YTHDC1: variants seen among roughly 807,000 people sequenced by gnomAD.
The protein encoded by YTHDC1 is YTH domain-containing protein 1.
In YTHDC1, 12 loss-of-function variants were observed where a neutral mutation model predicts 107.0. The observed-to-expected ratio is 0.11, with a 90% CI of 0.07 to 0.18. The LOEUF is 0.18. Among genes scored for constraint, YTHDC1 ranks in the 10% least tolerant of loss-of-function variants. YTHDC1 has a pLI of 1.00. For synonymous variants in YTHDC1, 280 were observed against 289.5 expected, an observed-to-expected ratio of 0.97 and a Z score of 0.33; for missense variants, 635 against 898.8, an observed-to-expected ratio of 0.71 and a Z score of 3.75.
chr4:68,338,454 A>C (rs1337850766), intron 1 of YTHDC1, 70 bp from the exon 2 acceptor site: 3 of 1,183,874 alleles, frequency 2.5e-6, no homozygotes, highest in East Asian at 5.1e-5. Flanking sequence ...AGTACTTACT[A>C]AGTGTGAGGC....
chr4:68,349,912 T>G lies in YTHDC1; in HGVS notation c.-159A>C. 1.1e-6 allele frequency: 1 copy of G among 900,266 alleles called. No homozygotes were observed. Among genetic ancestry groups the G allele is most frequent in the Non-Finnish European group, 1.7e-6 (1 of 583,710 alleles). 55.8% of individuals were successfully genotyped at this position (900,266 alleles called of 1,614,324 possible). ...TCTTAACACTCAGCCTTCTCGACTCTTCCCGCTTTTTCCCTTTCTCCCTTC... is the reference window on the plus strand; with the variant it reads ...TCTTAACACTCAGCCTTCTCGACTCGTCCCGCTTTTTCCCTTTCTCCCTTC... On this transcript the variant is annotated 5_prime_UTR_variant, in exon 1 of 17. Transcript: ENST00000344157.
In YTHDC1 at chr4:68,311,029, T is replaced by C. The variant is rs1369386120; in HGVS notation, c.*3070A>G. Reference sequence around the variant, plus strand: ...TGCTAAATTTCCTCTGTCCATGTCTTTTGGAGACTGTCCTTCCTGATGTAA... The same window carrying C: ...TGCTAAATTTCCTCTGTCCATGTCTCTTGGAGACTGTCCTTCCTGATGTAA... On this transcript the variant is annotated 3_prime_UTR_variant, in exon 17 of 17. Coordinates refer to ENST00000344157, the MANE Select transcript of YTHDC1 (RefSeq NM_001031732.4). 2.6e-5 allele frequency: 4 copies of C among 152,188 alleles called. No homozygotes were observed. The highest frequency in any genetic ancestry group is 5.9e-5 in the Non-Finnish European group (4 of 68,046). 9.4% of individuals were successfully genotyped at this position (152,188 alleles called of 1,614,324 possible).
At chr4:68,316,890 G>C (rs1490814071) in intron 15 of YTHDC1, among the ~76,000 whole-genome samples, 2 of 152,198 alleles carry the variant, frequency 1.3e-5, no homozygotes, top group African/African-American at 4.8e-5. Flanking sequence ...AGGCATCCTA[G>C]TTCTGCAGTT....
intron 4 of YTHDC1, among the ~76,000 whole-genome samples, chr4:68,334,550 G>A (rs185843589): frequency 1.3e-5 from 2 of 152,262 alleles, no homozygotes; most frequent in Admixed American, 1.3e-4. Context: ...TTTGAAAGGT[G>A]ATTACAGGTT....
At chr4:68,349,060 C>T (rs751317488) in intron 1 of YTHDC1, among the ~76,000 whole-genome samples, 4 of 152,148 alleles carry the variant, frequency 2.6e-5, no homozygotes, top group Non-Finnish European at 5.9e-5. Context: ...CTGACTGTAC[C>T]CTCTGGGAGC....
intron 1 of YTHDC1, among the ~76,000 whole-genome samples, chr4:68,346,075 G>A (rs901094001): frequency 1.1e-4 from 4 of 37,668 alleles, no homozygotes; most frequent in Non-Finnish European, 2.0e-4. Flanking sequence ...GACTGTGTGT[G>A]TACATATATA....
In YTHDC1 at chr4:68,343,526, A is replaced by T. The variant is rs1268676580; in HGVS notation, c.29-5142T>A. The stretch of plus-strand genomic sequence containing the variant: ...CTTAAAAAATCACTTAAAATCTTTA[A>T]AAAAAAAAAAAAAAAAATTTTTTTT... On this transcript the variant is annotated intron_variant, in intron 1 of 16. Transcript: ENST00000344157. Among the ~76,000 whole-genome samples, 34 of 95,364 alleles carry T rather than the reference A, an allele frequency of 3.6e-4. No individual in the cohort carries two copies. In the East Asian group the frequency reaches 5.3e-3, roughly 15 times the overall value. The allele number at this position is 95,364 out of a possible 152,430, so 62.6% of individuals were successfully genotyped here. A position where few individuals can be genotyped will look rare whatever the true frequency, so the allele number is the denominator to read the frequency against.
chr4:68,332,312 A>G (rs1049860459), intron 6 of YTHDC1, 115 bp from the exon 7 acceptor site: 37 of 561,192 alleles, frequency 6.6e-5, no homozygotes, highest in Non-Finnish European at 2.4e-5. Context: ...TTAAAACGCA[A>G]CAATCACCCA....
intron 1 of YTHDC1, among the ~76,000 whole-genome samples, chr4:68,348,163 C>T (rs942884066): frequency 2.6e-5 from 4 of 152,158 alleles, no homozygotes; most frequent in African/African-American, 9.7e-5. Flanking sequence ...CTTTTAAAAT[C>T]ATCTACTTTT....
At chr4:68,349,631 A>T in intron 1 of YTHDC1, 95 bp downstream of exon 1, 3 of 258,526 alleles carry the variant, frequency 1.2e-5, no homozygotes, top group Non-Finnish European at 1.5e-5. Flanking sequence ...AACCTCCCCA[A>T]CCCCCACCCC....
rs757698125 is a variant in YTHDC1, at chr4:68,337,818, A to G, written c.213T>C (p.Ser71=). 11 of 1,613,982 alleles carry G rather than the reference A, an allele frequency of 6.8e-6. No individual in the cohort carries two copies. In the African/African-American group the frequency reaches 1.5e-4, roughly 22 times the overall value. The change falls in exon 3 of 17, where the codon TCT becomes TCC. Residue 71 remains serine, a synonymous_variant. Transcript: ENST00000344157. ...KPSVHSRQLV[S]KPLSSSVSNN... ...TGCTAACAGATGAGCTCAGTGGCTT[A>G]GAAACCAGTTGTCTAGAATGGACAG... is the stretch of plus-strand genomic sequence containing the variant.
At chr4:68,318,997 TC>T in intron 12 of YTHDC1, 135 bp from the exon 13 acceptor site, 1 of 880,874 alleles carries the variant, frequency 1.1e-6, no homozygotes. Context: ...TACTGTATTA[TC>T]CCATTTTCAA....
At chr4:68,345,511 A>C (rs892326400) in intron 1 of YTHDC1, among the ~76,000 whole-genome samples, 1 of 152,176 alleles carries the variant, frequency 6.6e-6, no homozygotes, top group Non-Finnish European at 1.5e-5. Context: ...GTACATTTAG[A>C]CCAGTTTCTC....
rs1721372107 is a variant in YTHDC1, at chr4:68,312,345, TTAA to T, written c.*1751_*1753del. 6.6e-6 allele frequency: 1 copy of T among 152,204 alleles called. No homozygotes were observed. 9.4% of individuals were successfully genotyped at this position (152,204 alleles called of 1,614,324 possible). ...TTCCTATTATTTCAGGAAAATACCT[TTAA>T]TATTACCTACCAGTTTTGTATAATG... On this transcript the variant is annotated 3_prime_UTR_variant, in exon 17 of 17. Transcript: ENST00000344157.
Position 68,313,097 on chromosome 4 carries a change from GTATAAATACT to G in YTHDC1, c.*992_*1001del, listed in dbSNP as rs1185402807. On this transcript the variant is annotated 3_prime_UTR_variant, in exon 17 of 17. Transcript: ENST00000344157. ...GAGTAGACTCAAAATGTTATCAGGTGTATAAATACTTAACCAAATTATTAACATAACTCTG... is the reference window on the plus strand; with the variant it reads ...GAGTAGACTCAAAATGTTATCAGGTGTAACCAAATTATTAACATAACTCTG... 6.6e-6 allele frequency: 1 copy of G among 152,152 alleles called. No homozygotes were observed. The highest frequency in any genetic ancestry group is 6.5e-5 in the Admixed American group (1 of 15,274). The allele number at this position is 152,152 out of a possible 1,614,324, so 9.4% of individuals were successfully genotyped here.
At chr4:68,348,743 C>A (rs1464497199) in intron 1 of YTHDC1, among the ~76,000 whole-genome samples, 1 of 152,084 alleles carries the variant, frequency 6.6e-6, no homozygotes, top group Admixed American at 6.6e-5. Flanking sequence ...TTAACAACCC[C>A]CGACAAAAAA....
In YTHDC1 at chr4:68,311,096, C is replaced by A. The variant is rs1254861341; in HGVS notation, c.*3003G>T. On this transcript the variant is annotated 3_prime_UTR_variant, in exon 17 of 17. Transcript: ENST00000344157. The stretch of plus-strand genomic sequence containing the variant: ...CATAACATGTGCCTCTCTTGCTTCC[C>A]AATGCTGGGAGACAAAGAACCCCAT... 2 of 152,146 alleles carry A rather than the reference C, an allele frequency of 1.3e-5. No individual in the cohort carries two copies. Among genetic ancestry groups the A allele is most frequent in the Non-Finnish European group, 2.9e-5 (2 of 68,048 alleles). 9.4% of individuals were successfully genotyped at this position (152,146 alleles called of 1,614,324 possible).
At chr4:68,330,383 A>G in intron 7 of YTHDC1, 73 bp from the exon 8 acceptor site, 1 of 1,028,418 alleles carries the variant, frequency 9.7e-7, no homozygotes. Context: ...ATGTTTGAAA[A>G]AAAACTACAT....
Position 68,329,796 on chromosome 4 carries a change from A to AT in YTHDC1, c.1349+205dup, listed in dbSNP as rs149256270. Among the ~76,000 whole-genome samples, 355 of 152,286 alleles carry AT rather than the reference A, an allele frequency of 2.3e-3. 3 individuals are homozygous for AT. Among genetic ancestry groups the AT allele is most frequent in the African/African-American group, 8.2e-3 (339 of 41,558 alleles). On this transcript the variant is annotated intron_variant, in intron 9 of 16. Transcript: ENST00000344157. ...AACATTTCAAGCAACTGTCCAATTC[A>AT]TTTACTGCTTTATTACTAATATACA...
Sources: gnomAD v4.1 joint callset for allele counts (sites outside exome capture counted in the v4.1 genomes callset) on GRCh38, gnomAD v4.1.1 for gene constraint, MANE v1.5 for transcripts, NCBI Gene and HGNC (gene_info 2026-07-23, HGNC 2026-07-21) for gene names.